RIN3: variants seen among roughly 807,000 people sequenced by gnomAD.
The protein encoded by RIN3 is RAB5 interacting protein 3.
A neutral mutation model predicts 76.3 loss-of-function variants in RIN3; 54 were observed. The ratio of observed to expected loss-of-function variants is 0.71; its 90% CI spans 0.57 to 0.89. The LOEUF is 0.89. Ranked by LOEUF, RIN3 falls within the 40% of genes least tolerant of loss-of-function variation. RIN3 has a pLI of 0.00. For missense variants in RIN3, 1,256 were observed against 1,322.1 expected (o/e 0.95, Z 0.78); for synonymous variants, 576 against 564.0 (o/e 1.02, Z -0.30).
Position 92,652,866 on chromosome 14 carries a change from T to C in RIN3, c.1817T>C (p.Val606Ala). 1 of 1,614,058 alleles carries C rather than the reference T, an allele frequency of 6.2e-7. No homozygotes were observed. The highest frequency in any genetic ancestry group is 8.5e-7 in the Non-Finnish European group (1 of 1,180,018). The change falls in exon 6 of 10, where the codon GTG becomes GCG. Residue 606 changes from valine to alanine, a missense_variant. By Grantham distance (64) the Val-to-Ala change is moderately conservative (BLOSUM62 0). This residue lies in a region of RIN3 where 428 missense variants were observed against 521.2 expected (regional missense o/e 0.82). Transcript: ENST00000216487. This position sits in a 1 kb window ranked among gnomAD's most constrained non-coding sequence, Gnocchi z 6.4. ...SNNRKLYKKV[V>A]ELAQDKGSYF... ...AACCGCAAGCTGTACAAGAAGGTGGTGGAGCTGGCGCAGGACAAGGGCTCG... is the reference window on the plus strand; with the variant it reads ...AACCGCAAGCTGTACAAGAAGGTGGCGGAGCTGGCGCAGGACAAGGGCTCG...
intron 8 of RIN3, 33 bp from the exon 9 acceptor site, chr14:92,684,954 C>G: frequency 6.3e-7 from 1 of 1,590,914 alleles, no homozygotes; most frequent in South Asian, 1.1e-5. Context: ...CGGAGGCGGT[C>G]CTGGCTCAGA....
intron 1 of RIN3, among the ~76,000 whole-genome samples, chr14:92,543,266 G>A (rs1298873471): frequency 6.6e-6 from 1 of 152,078 alleles, no homozygotes; most frequent in East Asian, 1.9e-4. Context: ...TGGGGGGTGG[G>A]GGGAGTAGTC....
chr14:92,527,393 AG>A lies in RIN3; in HGVS notation c.44+13420del, dbSNP rs1042678683. Among the ~76,000 whole-genome samples, 35 of 152,156 alleles carry A rather than the reference AG, an allele frequency of 2.3e-4. 1 individual carries two copies. The highest frequency in any genetic ancestry group is 8.4e-4 in the African/African-American group (35 of 41,520). On this transcript the variant is annotated intron_variant, in intron 1 of 9. Transcript: ENST00000216487. ...TAAGGACATCAGTCGCTTTGGATTT[AG>A]GGCCCAGCTTACTCCAGTAGGACCT...
chr14:92,682,694 T>C (rs1888709870), intron 8 of RIN3, among the ~76,000 whole-genome samples: 1 of 152,206 alleles, frequency 6.6e-6, no homozygotes. Flanking sequence ...CCACCCAGCC[T>C]TCCACTTATA....
chr14:92,635,508 A>G (rs2140124840), intron 4 of RIN3, among the ~76,000 whole-genome samples: 1 of 152,284 alleles, frequency 6.6e-6, no homozygotes, highest in Middle Eastern at 3.4e-3. Context: ...CTCCAAATAT[A>G]TCTACCTTGT....
At position 92,653,027 on chromosome 14, in the gene RIN3, G is replaced by T. The variant is rs199975411; in HGVS notation, c.1978G>T (p.Glu660Ter). The T allele has an allele frequency of 2.5e-6, 4 of 1,610,430 alleles. No individual in the cohort carries two copies. The highest frequency in any genetic ancestry group is 2.5e-6 in the Non-Finnish European group (3 of 1,179,972). The change falls in exon 6 of 10, where the codon GAG becomes TAG. Residue 660 changes from glutamate (E) to a stop codon, truncating the protein, a stop_gained. Transcript: ENST00000216487. LOFTEE classifies it high-confidence loss of function. ...QLKSYLLQST[E>*]LKALVDPALH... is the part of the protein sequence containing the mutation. ...CAAGAGCTACCTGCTGCAGAGCACC[G>T]AGCTCAAGGCCCTGGTGGACCCCGC...
chr14:92,560,194 C>T (rs1437572950), intron 2 of RIN3, among the ~76,000 whole-genome samples: 3 of 152,290 alleles, frequency 2.0e-5, no homozygotes, highest in East Asian at 3.9e-4. Context: ...TGCCGAGGCC[C>T]AGAGAACTCT....
At chr14:92,543,251 C>T (rs1897166885) in intron 1 of RIN3, among the ~76,000 whole-genome samples, 1 of 150,620 alleles carries the variant, frequency 6.6e-6, no homozygotes, top group South Asian at 2.1e-4. Flanking sequence ...AGTTTAGAGG[C>T]TTTATGGGGG....
chr14:92,578,427 C>T (rs1171095344), intron 3 of RIN3, among the ~76,000 whole-genome samples: 1 of 152,158 alleles, frequency 6.6e-6, no homozygotes, highest in East Asian at 1.9e-4. Flanking sequence ...TCTGTGCCAG[C>T]TTTCTCCTCC....
At chr14:92,596,631 GATTT>G (rs1382616460) in intron 3 of RIN3, among the ~76,000 whole-genome samples, 2 of 152,186 alleles carry the variant, frequency 1.3e-5, no homozygotes, top group Non-Finnish European at 2.9e-5. Flanking sequence ...TTTAGCAGGG[GATTT>G]ATTTAACAAA....
chr14:92,575,670 C>G (rs1440884839), intron 2 of RIN3, among the ~76,000 whole-genome samples: 1 of 152,016 alleles, frequency 6.6e-6, no homozygotes, highest in African/African-American at 2.4e-5. Context: ...TTTTAGCAAG[C>G]AGATGCATTA....
intron 8 of RIN3, among the ~76,000 whole-genome samples, chr14:92,676,953 C>G (rs1888487993): frequency 6.6e-6 from 1 of 151,318 alleles, no homozygotes; most frequent in Non-Finnish European, 1.5e-5. Flanking sequence ...TAGGAGCCAG[C>G]TGATTAAAAA....
rs2140103473 is a variant in RIN3, at chr14:92,615,405, A to G, written c.368-2A>G. The G allele has an allele frequency of 3.1e-6, 5 of 1,613,724 alleles. No individual in the cohort carries two copies. The East Asian group carries it at 1.1e-4, about 36-fold the overall frequency. On this transcript the variant is annotated splice_acceptor_variant, in intron 3 of 9. Transcript: ENST00000216487. LOFTEE classifies it high-confidence loss of function. ...CCCAGGGCCCTTCTTGTGTCTCCCC[A>G]GTATTGTACCTGGAAGGCTCGGCTC... is the stretch of plus-strand genomic sequence containing the variant.
At chr14:92,537,634 CTTTTTTTTTTT>C (rs576683908) in intron 1 of RIN3, among the ~76,000 whole-genome samples, 32 of 51,634 alleles carry the variant, frequency 6.2e-4, no homozygotes, top group African/African-American at 2.0e-3. Context: ...GCCTTAGGGA[CTTTTTTTTTTT>C]TTTTTTTTTT....
chr14:92,561,937 C>T (rs771246409), intron 2 of RIN3, among the ~76,000 whole-genome samples: 3 of 152,184 alleles, frequency 2.0e-5, no homozygotes, highest in Non-Finnish European at 2.9e-5. Flanking sequence ...CCTCCCACCT[C>T]GGCCTCCCAT....
chr14:92,674,021 A>T (rs1453012711), intron 7 of RIN3, among the ~76,000 whole-genome samples: 1 of 152,232 alleles, frequency 6.6e-6, no homozygotes, highest in Non-Finnish European at 1.5e-5. Context: ...CTGGTTCAAA[A>T]TATGAGAGGC....
chr14:92,601,569 G>A (rs551536162), intron 3 of RIN3, among the ~76,000 whole-genome samples: 18 of 150,654 alleles, frequency 1.2e-4, no homozygotes, highest in African/African-American at 4.0e-4. Context: ...TCACTACCAA[G>A]GTGTTACCCA....
chr14:92,600,729 T>TTC (rs1369145256), intron 3 of RIN3, among the ~76,000 whole-genome samples: 2 of 152,206 alleles, frequency 1.3e-5, no homozygotes, highest in African/African-American at 4.8e-5. Context: ...CACAAACTGG[T>TTC]TCTCTCTCTC....
intron 2 of RIN3, among the ~76,000 whole-genome samples, chr14:92,573,648 C>G (rs1168745273): frequency 6.6e-6 from 1 of 152,210 alleles, no homozygotes; most frequent in Non-Finnish European, 1.5e-5. Context: ...ACACTCTCAT[C>G]TCTCAGGAAA....
Sources: gnomAD v4.1 joint callset for allele counts (sites outside exome capture counted in the v4.1 genomes callset) on GRCh38, gnomAD v4.1.1 for gene constraint, gnomAD v4.1.1 regional missense constraint, Gnocchi (gnomAD v3.1) non-coding constraint, MANE v1.5 for transcripts, NCBI Gene and HGNC (gene_info 2026-07-23, HGNC 2026-07-21) for gene names.